NXPE2: variants seen among roughly 807,000 people sequenced by gnomAD.
NXPE2 encodes NXPE family member 2.
A neutral mutation model predicts 34.4 loss-of-function variants in NXPE2; 34 were observed. The ratio of observed to expected loss-of-function variants is 0.99; its 90% CI spans 0.75 to 1.31. NXPE2 has a LOEUF of 1.31. Ranked by LOEUF, NXPE2 falls within the 40% of genes most tolerant of loss-of-function variation. The pLI, the probability that NXPE2 is intolerant of heterozygous loss-of-function variation, is 0.00. For synonymous variants in NXPE2, 235 were observed against 231.3 expected, an observed-to-expected ratio of 1.02 and a Z score of -0.15; for missense variants, 649 against 672.5, an observed-to-expected ratio of 0.97 and a Z score of 0.39.
At chr11:114,492,135 T>C in the NXPE2 span, among the ~76,000 whole-genome samples, 2 of 152,224 alleles carry the variant, frequency 1.3e-5, no homozygotes, top group Middle Eastern at 3.4e-3. Context: ...ATTGTGCACA[T>C]GTACCCTAAA....
the NXPE2 span, among the ~76,000 whole-genome samples, chr11:114,537,688 C>A: frequency 6.6e-6 from 1 of 152,010 alleles, no homozygotes; most frequent in Admixed American, 6.5e-5. Flanking sequence ...ACAATTGCTT[C>A]AAAGAGAATA....
At chr11:114,609,002 T>A in the NXPE2 span, among the ~76,000 whole-genome samples, 1 of 151,766 alleles carries the variant, frequency 6.6e-6, no homozygotes, top group Admixed American at 6.6e-5. Context: ...GCCAGGTGGA[T>A]AATAAGTGTT....
chr11:114,538,004 C>A, the NXPE2 span, among the ~76,000 whole-genome samples: 1 of 152,192 alleles, frequency 6.6e-6, no homozygotes, highest in Non-Finnish European at 1.5e-5. Flanking sequence ...AAGCTGGAGG[C>A]ATCCCGCTAC....
chr11:114,694,902 C>G (rs558907470), intron 2 of NXPE2, among the ~76,000 whole-genome samples: 1 of 151,792 alleles, frequency 6.6e-6, no homozygotes, highest in Non-Finnish European at 1.5e-5. Flanking sequence ...TTTTAAATTT[C>G]TGGTCTGATA....
the NXPE2 span, among the ~76,000 whole-genome samples, chr11:114,626,668 C>T: frequency 1.5e-4 from 23 of 152,266 alleles, no homozygotes; most frequent in East Asian, 3.9e-4. Context: ...CAAAGCTGGA[C>T]GGAGAATGAC....
the NXPE2 span, chr11:114,531,018 A>C: frequency 8.7e-7 from 1 of 1,150,434 alleles, no homozygotes; most frequent in Non-Finnish European, 1.2e-6. Flanking sequence ...ATTGAATTCA[A>C]TTTGTTACCA....
At chr11:114,598,049 C>T in the NXPE2 span, among the ~76,000 whole-genome samples, 1 of 152,080 alleles carries the variant, frequency 6.6e-6, no homozygotes, top group South Asian at 2.1e-4. Flanking sequence ...TAGTTACTTC[C>T]AAGATACAAT....
At chr11:114,677,264 A>G (rs536589264), upstream of NXPE2, among the ~76,000 whole-genome samples, 44 of 152,186 alleles carry the variant, frequency 2.9e-4, no homozygotes, top group South Asian at 4.1e-3. Context: ...AAGAGACTAG[A>G]TCTTAAGCGT....
the NXPE2 span, among the ~76,000 whole-genome samples, chr11:114,651,465 A>G: frequency 4.6e-5 from 7 of 152,356 alleles, no homozygotes; most frequent in East Asian, 1.4e-3. Context: ...GGACCCAAAG[A>G]GTAAGCAGCA....
chr11:114,509,377 C>T, the NXPE2 span, among the ~76,000 whole-genome samples: 1 of 152,136 alleles, frequency 6.6e-6, no homozygotes, highest in Non-Finnish European at 1.5e-5. Context: ...TCCTTAAAGA[C>T]CTAAACATAG....
chr11:114,621,634 T>C, the NXPE2 span, among the ~76,000 whole-genome samples: 1 of 152,186 alleles, frequency 6.6e-6, no homozygotes, highest in Non-Finnish European at 1.5e-5. Flanking sequence ...GGATAATAAG[T>C]ATTGCCTTGT....
chr11:114,705,898 C>T lies in NXPE2; in HGVS notation c.1046C>T (p.Thr349Ile). 1 of 1,541,586 alleles carries T rather than the reference C, an allele frequency of 6.5e-7. No homozygotes were observed. Among genetic ancestry groups the T allele is most frequent in the Non-Finnish European group, 8.8e-7 (1 of 1,142,362 alleles). ...AFCKQIKFNETKNINDCLERK... is the reference protein window; with the variant it reads ...AFCKQIKFNEIKNINDCLERK... ...TGTAAACAGATCAAGTTCAATGAAA[C>T]AAAAAATATAAATGACTGCTTGGAA... Residue 349 changes from threonine (T) to isoleucine (I), a missense_variant, in exon 5 of 6, where the codon ACA becomes ATA. By Grantham distance (89) the Thr-to-Ile change is moderately conservative. Coordinates refer to ENST00000389586, the MANE Select transcript of NXPE2 (RefSeq NM_182495.6).
At chr11:114,684,160 G>T (rs1383127754) in intron 2 of NXPE2, among the ~76,000 whole-genome samples, 5 of 152,214 alleles carry the variant, frequency 3.3e-5, no homozygotes, top group South Asian at 2.1e-4. Flanking sequence ...AGGCCCGGTG[G>T]CTTATGCCTA....
chr11:114,750,024 T>C, the NXPE2 span, among the ~76,000 whole-genome samples: 2 of 152,150 alleles, frequency 1.3e-5, no homozygotes, highest in Non-Finnish European at 1.5e-5. Context: ...GAGGACATTC[T>C]TCTCACCCAC....
the NXPE2 span, among the ~76,000 whole-genome samples, chr11:114,539,515 G>T: frequency 6.6e-6 from 1 of 152,178 alleles, no homozygotes; most frequent in Admixed American, 6.5e-5. Flanking sequence ...TTTTTTAAAG[G>T]TCTGAATGAA....
chr11:114,481,370 C>T, the NXPE2 span, among the ~76,000 whole-genome samples: 2,010 of 152,082 alleles, frequency 0.013, 17 homozygotes, highest in Non-Finnish European at 0.02. Flanking sequence ...AAAACACATA[C>T]GATAATTTAA....
chr11:114,521,321 A>G, the NXPE2 span, among the ~76,000 whole-genome samples: 2 of 152,276 alleles, frequency 1.3e-5, no homozygotes, highest in Admixed American at 1.3e-4. Context: ...TTTATATATT[A>G]TGTATTTCAA....
the NXPE2 span, among the ~76,000 whole-genome samples, chr11:114,622,306 C>T: frequency 6.6e-6 from 1 of 151,912 alleles, no homozygotes; most frequent in Non-Finnish European, 1.5e-5. Context: ...ATAATTGTTG[C>T]CTCATGGGGA....
rs187156440 is a variant in NXPE2, at chr11:114,691,512, G to A, written c.133-6533G>A. ...TAGGGGCAGGGGCAGAGAAAAATTGGGAAGTGTGAATCGTGCCCTCTCCCA... is the reference window on the plus strand; with the variant it reads ...TAGGGGCAGGGGCAGAGAAAAATTGAGAAGTGTGAATCGTGCCCTCTCCCA... On this transcript the variant is annotated intron_variant, in intron 2 of 5. Transcript: ENST00000389586. 1.1e-4 allele frequency among the ~76,000 whole-genome samples: 17 copies of A among 152,244 alleles called. No individual in the cohort carries two copies. The East Asian group carries it at 2.3e-3, about 21-fold the overall frequency.
Sources: gnomAD v4.1 joint callset for allele counts (sites outside exome capture counted in the v4.1 genomes callset) on GRCh38, gnomAD v4.1.1 for gene constraint, MANE v1.5 for transcripts, NCBI Gene and HGNC (gene_info 2026-07-23, HGNC 2026-07-21) for gene names.